The following TBC1D19 variants were observed in gnomAD, a reference collection of about 807,000 sequenced individuals.
The protein encoded by TBC1D19 is TBC1 domain family, member 19.
Under a neutral mutation model 89.0 loss-of-function variants are expected in TBC1D19, and 60 were observed. The observed-to-expected ratio is 0.67, with a 90% CI of 0.55 to 0.84. TBC1D19 has a LOEUF of 0.84. Ranked by LOEUF, TBC1D19 falls within the 40% of genes least tolerant of loss-of-function variation. The pLI, the probability that TBC1D19 is intolerant of heterozygous loss-of-function variation, is 0.00. For missense variants in TBC1D19, 500 were observed against 610.8 expected (o/e 0.82, Z 1.91); for synonymous variants, 189 against 199.7 (o/e 0.95, Z 0.45).
chr4:26,634,629 A>G (rs1286716098), intron 4 of TBC1D19, among the ~76,000 whole-genome samples: 2 of 152,176 alleles, frequency 1.3e-5, no homozygotes, highest in Non-Finnish European at 2.9e-5. Flanking sequence ...AAATGGTACC[A>G]TGTATAGTCT....
chr4:26,593,875 C>T (rs934139049), intron 1 of TBC1D19, among the ~76,000 whole-genome samples: 1 of 152,168 alleles, frequency 6.6e-6, no homozygotes, highest in Non-Finnish European at 1.5e-5. Context: ...AATAGGAACA[C>T]TTTTACACTG....
rs1274218971 is a variant in TBC1D19, at chr4:26,650,236, A to G, written c.481-9361A>G. On this transcript the variant is annotated intron_variant, in intron 7 of 20. Transcript: ENST00000264866. The stretch of plus-strand genomic sequence containing the variant: ...CCTTTGAGTATATACCCCGTAATGG[A>G]ATGGCTGGGTCAAATGGTATTTCTA... Among the ~76,000 whole-genome samples, 11 of 151,568 alleles carry G rather than the reference A, an allele frequency of 7.3e-5. No homozygotes were observed. In the East Asian group the frequency reaches 2.1e-3, roughly 29 times the overall value.
At chr4:26,655,332 A>T (rs1047545094) in intron 7 of TBC1D19, among the ~76,000 whole-genome samples, 12 of 152,192 alleles carry the variant, frequency 7.9e-5, no homozygotes, top group African/African-American at 1.4e-4. Context: ...GACCCACTTG[A>T]GGAGGCAGTC....
intron 1 of TBC1D19, among the ~76,000 whole-genome samples, chr4:26,593,387 T>TAGA (rs1249524403): frequency 6.6e-6 from 1 of 152,204 alleles, no homozygotes; most frequent in East Asian, 1.9e-4. Flanking sequence ...ATAAAAACCC[T>TAGA]AGAAGAAAAC....
the TBC1D19 span, among the ~76,000 whole-genome samples, chr4:26,829,906 C>T: frequency 1.3e-4 from 20 of 152,298 alleles, no homozygotes; most frequent in South Asian, 3.9e-3. Context: ...CCAGTGTGCT[C>T]TGGTAAGACA....
chr4:26,850,339 A>G, the TBC1D19 span, among the ~76,000 whole-genome samples: 190 of 151,934 alleles, frequency 1.3e-3, no homozygotes, highest in African/African-American at 4.4e-3. Flanking sequence ...GCTTGAGCCC[A>G]GGAGCTCCAG....
chr4:26,612,847 G>A (rs1741463439), intron 1 of TBC1D19, among the ~76,000 whole-genome samples: 1 of 151,962 alleles, frequency 6.6e-6, no homozygotes, highest in South Asian at 2.1e-4. Context: ...TCAAGGCAAT[G>A]AATTTATAAA....
the TBC1D19 span, among the ~76,000 whole-genome samples, chr4:26,814,886 G>A: frequency 7.9e-5 from 12 of 152,192 alleles, no homozygotes; most frequent in East Asian, 1.9e-4. Context: ...TCTGGATGTC[G>A]TGGCACGCGC....
At chr4:26,712,582 T>C (rs535984337) in intron 13 of TBC1D19, among the ~76,000 whole-genome samples, 2 of 152,206 alleles carry the variant, frequency 1.3e-5, no homozygotes. Context: ...ATCCCATTTG[T>C]CACATAAGTC....
chr4:26,626,865 T>C (rs1742443977), intron 4 of TBC1D19, among the ~76,000 whole-genome samples: 1 of 149,124 alleles, frequency 6.7e-6, no homozygotes, highest in Non-Finnish European at 1.5e-5. Context: ...ATTTTTATTT[T>C]TATTTATTTT....
At chr4:26,842,125 C>A in the TBC1D19 span, among the ~76,000 whole-genome samples, 1 of 151,902 alleles carries the variant, frequency 6.6e-6, no homozygotes, top group East Asian at 1.9e-4. Context: ...TTTTATCAGG[C>A]CCCACAAATT....
intron 10 of TBC1D19, among the ~76,000 whole-genome samples, chr4:26,673,446 T>TATATACACACACAC (rs373807642): frequency 0.029 from 2,638 of 90,760 alleles, 53 homozygotes; most frequent in South Asian, 0.044. Flanking sequence ...TATATATATA[T>TATATACACACACAC]ACACACACAC....
chr4:26,608,039 A>T (rs1184339893), intron 1 of TBC1D19, among the ~76,000 whole-genome samples: 1 of 152,236 alleles, frequency 6.6e-6, no homozygotes, highest in Non-Finnish European at 1.5e-5. Context: ...AACTTGTCAT[A>T]CCACATCATG....
the TBC1D19 span, among the ~76,000 whole-genome samples, chr4:26,842,588 CTTTCTTTCTTTCTTTCTTTCTTT>C: frequency 2.8e-4 from 29 of 104,790 alleles, 1 homozygote; most frequent in African/African-American, 8.6e-4. Flanking sequence ...CCCTCCCTTT[CTTTCTTTCTTTCTTTCTTTCTTT>C]CTTTCTTTCT....
rs900365181 is a variant in TBC1D19 at position 26,686,991 on chromosome 4, G to A, written c.892-1354G>A. ...TTGCCAGTGAGATTGTAGACTGCTC[G>A]ATGGTAAACATTTATTATTTGTCTT... On this transcript the variant is annotated intron_variant, in intron 12 of 20. Transcript: ENST00000264866. 8.5e-5 allele frequency among the ~76,000 whole-genome samples: 13 copies of A among 152,056 alleles called. 1 individual carries two copies. Among genetic ancestry groups the A allele is most frequent in the Non-Finnish European group, 1.8e-4 (12 of 68,000 alleles).
the TBC1D19 span, among the ~76,000 whole-genome samples, chr4:26,815,033 A>C: frequency 8.5e-5 from 13 of 152,244 alleles, no homozygotes; most frequent in East Asian, 1.2e-3. Flanking sequence ...AAAAAAAAAA[A>C]AACCAAATAA....
At chr4:26,621,776 C>T (rs2110035977) in intron 4 of TBC1D19, among the ~76,000 whole-genome samples, 1 of 151,786 alleles carries the variant, frequency 6.6e-6, no homozygotes, top group African/African-American at 2.4e-5. Context: ...TGTCATAAAG[C>T]ATAATAAATA....
chr4:26,794,052 T>C, the TBC1D19 span, among the ~76,000 whole-genome samples: 1 of 152,166 alleles, frequency 6.6e-6, no homozygotes, highest in Admixed American at 6.6e-5. Flanking sequence ...TCACGTAGAC[T>C]GAGGATGAAG....
chr4:26,756,492 T>A (rs1028690006), downstream of TBC1D19, among the ~76,000 whole-genome samples: 7 of 152,256 alleles, frequency 4.6e-5, no homozygotes, highest in Non-Finnish European at 8.8e-5. Flanking sequence ...GATGGGGGAA[T>A]TTTGGTCCTC....
Sources: allele counts gnomAD v4.1 joint callset (sites outside exome capture counted in the v4.1 genomes callset), GRCh38; gene constraint gnomAD v4.1.1; transcripts MANE v1.5; gene names NCBI Gene and HGNC (gene_info 2026-07-23, HGNC 2026-07-21).